The following LPAR2 variants were observed in gnomAD, a reference collection of about 807,000 sequenced individuals.
LPAR2 encodes G protein-coupled receptor.
In LPAR2, 10 loss-of-function variants were observed where a neutral mutation model predicts 15.6. That is an observed-to-expected ratio of 0.64 (90% CI 0.39 to 1.09). LPAR2 has a LOEUF of 1.09. LPAR2 is among the 50% of genes least tolerant of loss of function. The probability of loss-of-function intolerance (pLI) is 0.01; values close to 1 mark genes in which losing one functional copy is unlikely to be tolerated. For missense variants in LPAR2, 413 were observed against 484.6 expected (o/e 0.85, Z 1.39); for synonymous variants, 204 against 207.4 (o/e 0.98, Z 0.14).
Position 19,626,936 on chromosome 19 carries a change from C to T in LPAR2, c.349G>A (p.Ala117Thr). The stretch of plus-strand genomic sequence containing the variant: ...ATGGCCAGCAGTGTGGCCACCGACG[C>T]AGTGAGGCTTGTGTCCAGCAAGCCC... The change falls in exon 2 of 3, where the codon GCG (alanine) becomes ACG (threonine). Residue 117 changes from alanine (A) to threonine (T), a missense_variant. Coordinates refer to ENST00000407877, the MANE Select transcript of LPAR2 (RefSeq NM_004720.7). This position sits in a 1 kb window ranked among gnomAD's most constrained non-coding sequence, Gnocchi z 5.3. The T allele has an allele frequency of 6.2e-7, 1 of 1,607,888 alleles. No individual in the cohort carries two copies. The highest frequency in any genetic ancestry group is 8.5e-7 in the Non-Finnish European group (1 of 1,177,730).
Position 19,624,289 on chromosome 19 carries a change from C to A in LPAR2, c.1023G>T (p.Glu341Asp), listed in dbSNP as rs773469733. Residue 341 changes from glutamate (E) to aspartate (D), a missense_variant, in exon 3 of 3, where the codon GAG becomes GAT. Glu to Asp is a conservative substitution (Grantham distance 45). Transcript: ENST00000407877. ...TGGAGTCCATCAGTGGGTGGCCGTT[C>A]TCGGGAAGCATGATGCGAGTGCTGG... The A allele has an allele frequency of 8.1e-6, 13 of 1,610,200 alleles. No homozygotes were observed. The highest frequency in any genetic ancestry group is 5.0e-5 in the Admixed American group (3 of 59,930).
At position 19,624,096 on chromosome 19, in the gene LPAR2, G is replaced by C. The variant is rs1394407813; in HGVS notation, c.*160C>G. The C allele has an allele frequency of 2.8e-6, 2 of 724,306 alleles. No homozygotes were observed. The highest frequency in any genetic ancestry group is 2.4e-5 in the Admixed American group (1 of 42,380). The allele number at this position is 724,306 out of a possible 1,614,324, so 44.9% of individuals were successfully genotyped here. On this transcript the variant is annotated 3_prime_UTR_variant, in exon 3 of 3. Transcript: ENST00000407877. ...ACCCAAAGCCCCCATTCCCTGGGCAGAGTGGTGTGCCTGGGGAGGCCTGGC... is the reference window on the plus strand; with the variant it reads ...ACCCAAAGCCCCCATTCCCTGGGCACAGTGGTGTGCCTGGGGAGGCCTGGC...
Position 19,624,374 on chromosome 19 carries a change from G to C in LPAR2, c.938C>G (p.Ala313Gly). Residue 313 changes from alanine (A) to glycine (G), a missense_variant, in exon 3 of 3, where the codon GCG becomes GGG. Physicochemically the swap from Ala to Gly is moderately conservative, Grantham distance 60. Coordinates refer to ENST00000407877, the MANE Select transcript of LPAR2 (RefSeq NM_004720.7). ...CTCGCGGGTGGACTGGCGGAGGCAC[G>C]CGCAGCAGAGAAGGCGGCGGAAGGT... 1 of 1,614,222 alleles carries C rather than the reference G, an allele frequency of 6.2e-7. No homozygotes were observed. Among genetic ancestry groups the C allele is most frequent in the Non-Finnish European group, 8.5e-7 (1 of 1,180,048 alleles).
Position 19,627,149 on chromosome 19 carries a change from C to T in LPAR2, c.136G>A (p.Val46Met), listed in dbSNP as rs1478642335. The T allele has an allele frequency of 6.2e-7, 1 of 1,613,222 alleles. No homozygotes were observed. The highest frequency in any genetic ancestry group is 2.2e-5 in the East Asian group (1 of 44,870). The stretch of plus-strand genomic sequence containing the variant: ...ATGACCAGCAGATTGGTCAGCAGCA[C>T]CAGCACGCTGACGGTCAGCCCCAGT... Residue 46 changes from valine to methionine, a missense_variant, in exon 2 of 3, where the codon GTG becomes ATG. Transcript: ENST00000407877. The surrounding 1 kb of genome is among the most constrained non-coding windows in gnomAD (Gnocchi z 4.7).
At position 19,626,894 on chromosome 19, in the gene LPAR2, G is replaced by T; in HGVS notation, c.391C>A (p.Arg131Ser). ...TGCAGCTGCACGGCCATCACACTGCGGTGCCGCTCCACGGCGATGGCCAGC... is the reference window on the plus strand; with the variant it reads ...TGCAGCTGCACGGCCATCACACTGCTGTGCCGCTCCACGGCGATGGCCAGC... Residue 131 changes from arginine to serine, a missense_variant, in exon 2 of 3, where the codon CGC (arginine) becomes AGC (serine). Coordinates refer to ENST00000407877, the MANE Select transcript of LPAR2 (RefSeq NM_004720.7). This position sits in a 1 kb window ranked among gnomAD's most constrained non-coding sequence, Gnocchi z 5.3. 1 of 1,598,502 alleles carries T rather than the reference G, an allele frequency of 6.3e-7. No individual in the cohort carries two copies. The highest frequency in any genetic ancestry group is 8.5e-7 in the Non-Finnish European group (1 of 1,173,418).
At position 19,627,741 on chromosome 19, in the gene LPAR2, T is replaced by G; in HGVS notation, c.-1+351A>C. On this transcript the variant is annotated intron_variant, in intron 1 of 2. Transcript: ENST00000407877. This position sits in a 1 kb window ranked among gnomAD's most constrained non-coding sequence, Gnocchi z 4.7. The stretch of plus-strand genomic sequence containing the variant: ...ACCCGGGAGCGTGTGCACACAAGGG[T>G]GAGGTCACTTGCTAGAACCCTGCGA... 5.3e-6 allele frequency: 1 copy of G among 189,792 alleles called. No individual in the cohort carries two copies. Among genetic ancestry groups the G allele is most frequent in the Non-Finnish European group, 1.1e-5 (1 of 89,376 alleles). The allele number at this position is 189,792 out of a possible 1,614,324, so 11.8% of individuals were successfully genotyped here. A position where few individuals can be genotyped will look rare whatever the true frequency, so the allele number is the denominator to read the frequency against.
chr19:19,625,633 A>C (rs1013224750), intron 2 of LPAR2, among the ~76,000 whole-genome samples: 8 of 151,128 alleles, frequency 5.3e-5, no homozygotes, highest in Non-Finnish European at 1.2e-4. Context: ...AAATAGAAAA[A>C]TTAGCCAGGC....
rs1004963909 is a variant in LPAR2 at position 19,626,903 on chromosome 19, C to T, written c.382G>A (p.Glu128Lys). The T allele has an allele frequency of 6.2e-7, 1 of 1,600,712 alleles. No homozygotes were observed. ...ACGGCCATCACACTGCGGTGCCGCT[C>T]CACGGCGATGGCCAGCAGTGTGGCC... The change falls in exon 2 of 3, where the codon GAG becomes AAG. Residue 128 changes from glutamate to lysine, a missense_variant. Physicochemically the swap from Glu to Lys is moderately conservative, Grantham distance 56. Coordinates refer to ENST00000407877, the MANE Select transcript of LPAR2 (RefSeq NM_004720.7). The surrounding 1 kb of genome is among the most constrained non-coding windows in gnomAD (Gnocchi z 5.3).
rs2061747685 is a variant in LPAR2 at position 19,627,350 on chromosome 19, C to T, written c.1-66G>A. ...AGGACACAGGGAGGGGCGGCAGCTGCAGAGGAGGGTCAGCGCAGGAAGGAC... is the reference window on the plus strand; with the variant it reads ...AGGACACAGGGAGGGGCGGCAGCTGTAGAGGAGGGTCAGCGCAGGAAGGAC... On this transcript the variant is annotated intron_variant, in intron 1 of 2. Coordinates refer to ENST00000407877, the MANE Select transcript of LPAR2 (RefSeq NM_004720.7). The surrounding 1 kb of genome is among the most constrained non-coding windows in gnomAD (Gnocchi z 4.7). 3 of 1,498,388 alleles carry T rather than the reference C, an allele frequency of 2.0e-6. No homozygotes were observed. Among genetic ancestry groups the T allele is most frequent in the Middle Eastern group, 1.8e-4 (1 of 5,668 alleles). The allele number at this position is 1,498,388 out of a possible 1,614,324, so 92.8% of individuals were successfully genotyped here. A position where few individuals can be genotyped will look rare whatever the true frequency, so the allele number is the denominator to read the frequency against.
rs1265465029 is a variant in LPAR2, at chr19:19,624,279, G to T, written c.1033C>A (p.Pro345Thr). The T allele has an allele frequency of 1.9e-6, 3 of 1,609,172 alleles. No individual in the cohort carries two copies. Among genetic ancestry groups the T allele is most frequent in the Non-Finnish European group, 2.6e-6 (3 of 1,176,064 alleles). The change falls in exon 3 of 3, where the codon CCA becomes ACA. Residue 345 changes from proline (P) to threonine (T), a missense_variant. Pro to Thr is a conservative substitution (Grantham distance 38). Coordinates refer to ENST00000407877, the MANE Select transcript of LPAR2 (RefSeq NM_004720.7). ...AGCTAAAGGGTGGAGTCCATCAGTG[G>T]GTGGCCGTTCTCGGGAAGCATGATG...
At chr19:19,625,173 G>A (rs1481492933) in intron 2 of LPAR2, among the ~76,000 whole-genome samples, 1 of 152,042 alleles carries the variant, frequency 6.6e-6, no homozygotes, top group Non-Finnish European at 1.5e-5. Flanking sequence ...CTGGAGTGCA[G>A]TGGCACGATC....
Position 19,623,864 on chromosome 19 carries a change from A to G in LPAR2, c.*392T>C, listed in dbSNP as rs549951825. 19 of 200,932 alleles carry G rather than the reference A, an allele frequency of 9.5e-5. No homozygotes were observed. In the South Asian group the frequency reaches 2.2e-3, roughly 23 times the overall value. 12.4% of individuals were successfully genotyped at this position (200,932 alleles called of 1,614,324 possible). ...TGTCCACAGTCTGTCCTCATTACCCAGTCATACCGGGTAGCATGGCCCGAG... is the reference window on the plus strand; with the variant it reads ...TGTCCACAGTCTGTCCTCATTACCCGGTCATACCGGGTAGCATGGCCCGAG... On this transcript the variant is annotated 3_prime_UTR_variant, in exon 3 of 3. Coordinates refer to ENST00000407877, the MANE Select transcript of LPAR2 (RefSeq NM_004720.7).
At position 19,626,284 on chromosome 19, in the gene LPAR2, T is replaced by C. The variant is rs1328351312; in HGVS notation, c.742+259A>G. ...TGATCTCTCCTCCTCACAAGCCCAC[T>C]TTCCTCTTTAGAGGCTCTGGCCTCG... On this transcript the variant is annotated intron_variant, in intron 2 of 2. Coordinates refer to ENST00000407877, the MANE Select transcript of LPAR2 (RefSeq NM_004720.7). This position sits in a 1 kb window ranked among gnomAD's most constrained non-coding sequence, Gnocchi z 5.3. Among the ~76,000 whole-genome samples, 1 of 152,220 alleles carries C rather than the reference T, an allele frequency of 6.6e-6. No homozygotes were observed. The highest frequency in any genetic ancestry group is 1.5e-5 in the Non-Finnish European group (1 of 68,040).
chr19:19,626,642 C>G lies in LPAR2; in HGVS notation c.643G>C (p.Val215Leu), dbSNP rs745620686. 9 of 1,613,376 alleles carry G rather than the reference C, an allele frequency of 5.6e-6. No homozygotes were observed. In the South Asian group the frequency reaches 9.9e-5, roughly 18 times the overall value. ...GCCATGCGCTGCACTCGCCGCCGCA[C>G]GTAGAAGAAAATGCGGGTGTACACA... is the stretch of plus-strand genomic sequence containing the variant. The change falls in exon 2 of 3, where the codon GTG (valine) becomes CTG (leucine). Residue 215 changes from valine to leucine, a missense_variant. Physicochemically the swap from Val to Leu is conservative, Grantham distance 32 (BLOSUM62 1). Coordinates refer to ENST00000407877, the MANE Select transcript of LPAR2 (RefSeq NM_004720.7). The surrounding 1 kb of genome is among the most constrained non-coding windows in gnomAD (Gnocchi z 5.3).
rs142248281 is a variant in LPAR2, at chr19:19,624,789, T to TTGTGTGTG, written c.743-228_743-221dup. Among the ~76,000 whole-genome samples, 1,149 of 143,706 alleles carry TTGTGTGTG rather than the reference T, an allele frequency of 8.0e-3. 12 individuals are homozygous for TTGTGTGTG. Among genetic ancestry groups the TTGTGTGTG allele is most frequent in the Admixed American group, 0.037 (513 of 14,048 alleles). 94.3% of individuals were successfully genotyped at this position (143,706 alleles called of 152,430 possible). On this transcript the variant is annotated intron_variant, in intron 2 of 2. Transcript: ENST00000407877. ...CACAGTGGCCAAGGCACTGGACATTTTGTGTGTGTGTGTGTGTGTGTGTGT... is the reference window on the plus strand; with the variant it reads ...CACAGTGGCCAAGGCACTGGACATTTTGTGTGTGTGTGTGTGTGTGTGTGTGTGTGTGT...
Position 19,624,194 on chromosome 19 carries a change from C to A in LPAR2, c.*62G>T. The A allele has an allele frequency of 6.6e-7, 1 of 1,521,716 alleles. No individual in the cohort carries two copies. The highest frequency in any genetic ancestry group is 8.9e-7 in the Non-Finnish European group (1 of 1,120,308). 94.3% of individuals were successfully genotyped at this position (1,521,716 alleles called of 1,614,324 possible). A position where few individuals can be genotyped will look rare whatever the true frequency, so the allele number is the denominator to read the frequency against. On this transcript the variant is annotated 3_prime_UTR_variant, in exon 3 of 3. Coordinates refer to ENST00000407877, the MANE Select transcript of LPAR2 (RefSeq NM_004720.7). ...TGTTGGTTGGGTTGAGCCAGGAGCACCCACAAGTCATCAGGGGCTGTGGAT... is the reference window on the plus strand; with the variant it reads ...TGTTGGTTGGGTTGAGCCAGGAGCAACCACAAGTCATCAGGGGCTGTGGAT...
rs139943587 is a variant in LPAR2, at chr19:19,626,449, C to CT, written c.742+93dup. ...CACCTAAATCATCCCCCATCACCCT[C>CT]TATCAGGTAGCTTGTTTTGTTCATT... On this transcript the variant is annotated intron_variant, in intron 2 of 2. Coordinates refer to ENST00000407877, the MANE Select transcript of LPAR2 (RefSeq NM_004720.7). The surrounding 1 kb of genome is among the most constrained non-coding windows in gnomAD (Gnocchi z 5.3). 1.4e-4 allele frequency: 207 copies of CT among 1,452,074 alleles called. No homozygotes were observed. The highest frequency in any genetic ancestry group is 1.8e-4 in the Non-Finnish European group (190 of 1,073,420). 89.9% of individuals were successfully genotyped at this position (1,452,074 alleles called of 1,614,324 possible).
Position 19,627,156 on chromosome 19 carries a change from G to A in LPAR2, c.129C>T (p.Ser43=). The A allele has an allele frequency of 6.2e-6, 10 of 1,613,274 alleles. No individual in the cohort carries two copies. The highest frequency in any genetic ancestry group is 8.5e-6 in the Non-Finnish European group (10 of 1,179,984). Residue 43 remains serine (S), a synonymous_variant, in exon 2 of 3, where the codon AGC becomes AGT. Transcript: ENST00000407877. The surrounding 1 kb of genome is among the most constrained non-coding windows in gnomAD (Gnocchi z 4.7). ...GCAGATTGGTCAGCAGCACCAGCAC[G>A]CTGACGGTCAGCCCCAGTGCCACCA...
Position 19,627,473 on chromosome 19 carries a change from A to G in LPAR2, c.1-189T>C, listed in dbSNP as rs914946242. On this transcript the variant is annotated intron_variant, in intron 1 of 2. Coordinates refer to ENST00000407877, the MANE Select transcript of LPAR2 (RefSeq NM_004720.7). This position sits in a 1 kb window ranked among gnomAD's most constrained non-coding sequence, Gnocchi z 4.7. ...CTCCATGGGGCTGGGGTGGAGGTGGAGGAGCAGCTGTTTCTTACCTACTAA... is the reference window on the plus strand; with the variant it reads ...CTCCATGGGGCTGGGGTGGAGGTGGGGGAGCAGCTGTTTCTTACCTACTAA... 3 of 602,022 alleles carry G rather than the reference A, an allele frequency of 5.0e-6. No individual in the cohort carries two copies. The highest frequency in any genetic ancestry group is 8.8e-6 in the Non-Finnish European group (3 of 339,140). 37.3% of individuals were successfully genotyped at this position (602,022 alleles called of 1,614,324 possible).
Sources: allele counts gnomAD v4.1 joint callset (sites outside exome capture counted in the v4.1 genomes callset), GRCh38; gene constraint gnomAD v4.1.1; non-coding constraint Gnocchi (gnomAD v3.1); transcripts MANE v1.5; gene names NCBI Gene and HGNC (gene_info 2026-07-23, HGNC 2026-07-21).